Variants in PRDM10 observed in about 807,000 individuals in gnomAD.
PRDM10 encodes PR domain zinc finger protein 10.
PRDM10 carries 65 observed loss-of-function variants against 133.1 expected under a neutral mutation model. The observed-to-expected ratio is 0.49, with a 90% CI of 0.40 to 0.60. The LOEUF is 0.60. Among genes scored for constraint, PRDM10 ranks in the 20% least tolerant of loss-of-function variants. The probability of loss-of-function intolerance (pLI) is 0.00; values close to 1 mark genes in which losing one functional copy is unlikely to be tolerated. For synonymous variants in PRDM10, 582 were observed against 580.4 expected, an observed-to-expected ratio of 1.00 and a Z score of -0.04; for missense variants, 1,137 against 1,507.1, an observed-to-expected ratio of 0.75 and a Z score of 4.07.
rs1951459390 is a variant in PRDM10 at position 129,947,508 on chromosome 11, A to G, written c.295-138T>C. On this transcript the variant is annotated intron_variant, in intron 4 of 20. Coordinates refer to ENST00000360871, the MANE Select transcript of PRDM10 (RefSeq NM_199437.2). This position sits in a 1 kb window ranked among gnomAD's most constrained non-coding sequence, Gnocchi z 4.6. Reference sequence around the variant, plus strand: ...CCAACTCCTTCCAGGCCCTGGAAAAATGACTTCCATCTACCGGCTGTGAGG... The same window carrying G: ...CCAACTCCTTCCAGGCCCTGGAAAAGTGACTTCCATCTACCGGCTGTGAGG... 6.6e-7 allele frequency: 1 copy of G among 1,521,504 alleles called. No homozygotes were observed. Among genetic ancestry groups the G allele is most frequent in the Non-Finnish European group, 8.8e-7 (1 of 1,136,394 alleles). 94.3% of individuals were successfully genotyped at this position (1,521,504 alleles called of 1,614,324 possible).
rs1447132908 is a variant in PRDM10 at position 129,900,020 on chromosome 11, G to C, written c.*2293C>G. The C allele has an allele frequency of 1.3e-5, 2 of 152,552 alleles. No homozygotes were observed. Among genetic ancestry groups the C allele is most frequent in the African/African-American group, 4.8e-5 (2 of 41,414 alleles). The allele number at this position is 152,552 out of a possible 1,614,324, so 9.4% of individuals were successfully genotyped here. On this transcript the variant is annotated 3_prime_UTR_variant, in exon 21 of 21. Coordinates refer to ENST00000360871, the MANE Select transcript of PRDM10 (RefSeq NM_199437.2). ...CATGATGAAATGTCTATTTCTGTCG[G>C]TACAAATCAATGATAAAAACAAAAT...
chr11:129,946,842 T>A (rs1951429498), intron 5 of PRDM10, among the ~76,000 whole-genome samples: 1 of 152,188 alleles, frequency 6.6e-6, no homozygotes, highest in Admixed American at 6.5e-5. Flanking sequence ...GTTTGGTAGC[T>A]GAAGCTCTGG....
intron 1 of PRDM10, among the ~76,000 whole-genome samples, chr11:129,981,897 A>C (rs915100636): frequency 6.6e-6 from 1 of 151,786 alleles, no homozygotes. Flanking sequence ...ATTCCATCTC[A>C]AAAAAAGTAT....
chr11:129,904,155 T>TAAA (rs11409202), intron 20 of PRDM10, among the ~76,000 whole-genome samples: 15 of 107,376 alleles, frequency 1.4e-4, no homozygotes, highest in African/African-American at 4.2e-4. Flanking sequence ...CTCAGTATAC[T>TAAA]AAAAAAAAAA....
rs541394392 is a variant in PRDM10, at chr11:129,985,837, T to C, written c.-119+16885A>G. On this transcript the variant is annotated intron_variant, in intron 1 of 20. Transcript: ENST00000360871. ...ATATATATATATATATATATATGTA[T>C]ATATAGTAATAAAAGAAATTCTTTA... 3.9e-5 allele frequency among the ~76,000 whole-genome samples: 5 copies of C among 127,670 alleles called. No individual in the cohort carries two copies. In the South Asian group the frequency reaches 1.3e-3, roughly 32 times the overall value. The allele number at this position is 127,670 out of a possible 152,430, so 83.8% of individuals were successfully genotyped here.
intron 19 of PRDM10, among the ~76,000 whole-genome samples, chr11:129,909,718 C>G (rs562451084): frequency 1.3e-5 from 2 of 152,336 alleles, no homozygotes; most frequent in South Asian, 2.1e-4. Context: ...CTGGCCTGCC[C>G]CAAAGCTGTT....
At chr11:129,924,724 T>C (rs1328712043) in intron 12 of PRDM10, among the ~76,000 whole-genome samples, 158 bp downstream of exon 12, 1 of 152,212 alleles carries the variant, frequency 6.6e-6, no homozygotes, top group African/African-American at 2.4e-5. Flanking sequence ...ATCTTGTGTA[T>C]AAAAGTAGTT....
chr11:129,954,861 T>TG (rs1297725762), intron 4 of PRDM10, among the ~76,000 whole-genome samples: 5 of 152,032 alleles, frequency 3.3e-5, no homozygotes, highest in Admixed American at 6.6e-5. Context: ...TTTGCAGAGA[T>TG]GGGGTCTCAC....
chr11:129,957,835 C>T lies in PRDM10; in HGVS notation c.145G>A (p.Val49Met). 1 of 1,614,224 alleles carries T rather than the reference C, an allele frequency of 6.2e-7. No individual in the cohort carries two copies. The highest frequency in any genetic ancestry group is 8.5e-7 in the Non-Finnish European group (1 of 1,180,028). ...GAGGCACCATCTGCCGTGTACACCA[C>T]CTGCTGTGGGGGGCGAACCTGGTCA... is the stretch of plus-strand genomic sequence containing the variant. ...TDDQVRPPQQ[V>M]VYTADGASYT... The change falls in exon 3 of 21, where the codon GTG becomes ATG. Residue 49 changes from valine (V) to methionine (M), a missense_variant. Physicochemically the swap from Val to Met is conservative, Grantham distance 21. Transcript: ENST00000360871.
rs546336070 is a variant in PRDM10, at chr11:129,917,848, G to A, written c.2215-611C>T. Among the ~76,000 whole-genome samples the A allele has an allele frequency of 2.0e-5, 3 of 152,336 alleles. No individual in the cohort carries two copies. In the East Asian group the frequency reaches 5.8e-4, roughly 29 times the overall value. ...AGAGGCATTAAAAGGAAACAGCTGG[G>A]GGCTGGGTGCAGTGGCTCACGCCTG... On this transcript the variant is annotated intron_variant, in intron 14 of 20. Coordinates refer to ENST00000360871, the MANE Select transcript of PRDM10 (RefSeq NM_199437.2).
chr11:129,993,696 G>A (rs1187637035), intron 1 of PRDM10, among the ~76,000 whole-genome samples: 2 of 152,138 alleles, frequency 1.3e-5, no homozygotes, highest in Admixed American at 6.5e-5. Context: ...ATGTTAGCCA[G>A]GATGGTCTTG....
intron 9 of PRDM10, among the ~76,000 whole-genome samples, chr11:129,934,077 C>T (rs1371970873): frequency 1.3e-5 from 2 of 152,220 alleles, no homozygotes; most frequent in African/African-American, 4.8e-5. Context: ...ACCACTCCCT[C>T]GTGCGTGCTC....
intron 7 of PRDM10, among the ~76,000 whole-genome samples, chr11:129,940,531 C>T (rs74365230): frequency 0.021 from 3,175 of 152,134 alleles, 108 homozygotes; most frequent in African/African-American, 0.071. Context: ...GTTATTTTGA[C>T]GGTTTTAAAA....
intron 14 of PRDM10, among the ~76,000 whole-genome samples, chr11:129,917,709 G>A (rs923625865): frequency 1.3e-5 from 2 of 152,212 alleles, no homozygotes; most frequent in Non-Finnish European, 2.9e-5. Context: ...CCGTAACAAG[G>A]TCAAAATGAG....
In PRDM10 at chr11:129,942,438, C is replaced by T. The variant is rs1339522525; in HGVS notation, c.954G>A (p.Lys318=). 1 of 1,613,894 alleles carries T rather than the reference C, an allele frequency of 6.2e-7. No homozygotes were observed. Among genetic ancestry groups the T allele is most frequent in the Non-Finnish European group, 8.5e-7 (1 of 1,179,970 alleles). Residue 318 remains lysine (K), a synonymous_variant, in exon 7 of 21, where the codon AAG becomes AAA. Coordinates refer to ENST00000360871, the MANE Select transcript of PRDM10 (RefSeq NM_199437.2). ...YYTTIKNVEP[K]QELKVWYAAS... is the part of the protein sequence containing the mutation. ...GGCAGCACTGTACCTTCAGTTCCTGCTTGGGCTCCACATTTTTTATGGTTG... is the reference window on the plus strand; with the variant it reads ...GGCAGCACTGTACCTTCAGTTCCTGTTTGGGCTCCACATTTTTTATGGTTG...
At chr11:129,903,272 T>C (rs954298964) in intron 20 of PRDM10, among the ~76,000 whole-genome samples, 2 of 148,584 alleles carry the variant, frequency 1.3e-5, no homozygotes, top group African/African-American at 4.9e-5. Flanking sequence ...CACTCAAGCC[T>C]GGGCAACAAG....
intron 6 of PRDM10, among the ~76,000 whole-genome samples, chr11:129,944,418 T>C (rs879481011): frequency 6.6e-6 from 1 of 151,392 alleles, no homozygotes; most frequent in Non-Finnish European, 1.5e-5. Flanking sequence ...CCGTCTCTAC[T>C]AAAAATACAA....
chr11:129,914,709 C>G lies in PRDM10; in HGVS notation c.2836G>C (p.Ala946Pro). ...QHIQLQVVQVASATSPHQSQQ... is the reference protein window; with the variant it reads ...QHIQLQVVQVPSATSPHQSQQ... ...GAAACCAAGGCACGCAGTACCGAGG[C>G]CACTTGAACCACTTGCAGCTGTATG... The change falls in exon 17 of 21, where the codon GCC (alanine) becomes CCC (proline). Residue 946 changes from alanine (A) to proline (P), a missense_variant. Physicochemically the swap from Ala to Pro is conservative, Grantham distance 27. Transcript: ENST00000360871. 2 of 1,614,234 alleles carry G rather than the reference C, an allele frequency of 1.2e-6. No individual in the cohort carries two copies. Among genetic ancestry groups the G allele is most frequent in the Non-Finnish European group, 1.7e-6 (2 of 1,180,046 alleles).
intron 7 of PRDM10, among the ~76,000 whole-genome samples, chr11:129,939,186 T>A (rs932668413): frequency 2.0e-5 from 3 of 152,242 alleles, no homozygotes; most frequent in African/African-American, 7.2e-5. Context: ...TTTCTGTCCA[T>A]GTCTGCTCTA....
Sources: allele counts gnomAD v4.1 joint callset (sites outside exome capture counted in the v4.1 genomes callset), GRCh38; gene constraint gnomAD v4.1.1; non-coding constraint Gnocchi (gnomAD v3.1); transcripts MANE v1.5; gene names NCBI Gene and HGNC (gene_info 2026-07-23, HGNC 2026-07-21).